OSBPL7: variants seen among roughly 807,000 people sequenced by gnomAD.
OSBPL7 encodes oxysterol binding protein like 7, also known as oxysterol-binding protein-related protein 7.
A neutral mutation model predicts 115.8 loss-of-function variants in OSBPL7; 66 were observed. The observed-to-expected ratio is 0.57, with a 90% CI of 0.47 to 0.70. The LOEUF is 0.70. OSBPL7 is among the 30% of genes least tolerant of loss of function. The pLI is 0.00. For synonymous variants in OSBPL7, 441 were observed against 439.2 expected (o/e 1.00, Z -0.05); for missense variants, 902 against 1,125.5 (o/e 0.80, Z 2.84).
chr17:47,814,491 CCCCTCCCTGCCTG>C lies in OSBPL7; in HGVS notation c.1351+17_1351+29del. 2.1e-5 allele frequency: 28 copies of C among 1,334,024 alleles called. No homozygotes were observed. Among genetic ancestry groups the C allele is most frequent in the East Asian group, 4.6e-5 (2 of 43,030 alleles). The allele number at this position is 1,334,024 out of a possible 1,614,324, so 82.6% of individuals were successfully genotyped here. A position where few individuals can be genotyped will look rare whatever the true frequency, so the allele number is the denominator to read the frequency against. On this transcript the variant is annotated intron_variant, in intron 14 of 22. Coordinates refer to ENST00000007414, the MANE Select transcript of OSBPL7 (RefSeq NM_145798.3). ...ACCCTGTTTTTCCACCCGCCTCCCA[CCCCTCCCTGCCTG>C]CCCACCCAGCTGGCACCTTTCTGAC...
chr17:47,819,128 G>C lies in OSBPL7; in HGVS notation c.256-29C>G, dbSNP rs749658321. 4 of 1,591,196 alleles carry C rather than the reference G, an allele frequency of 2.5e-6. No homozygotes were observed. In the South Asian group the frequency reaches 4.4e-5, roughly 18 times the overall value. On this transcript the variant is annotated intron_variant, in intron 4 of 22. Transcript: ENST00000007414. Reference sequence around the variant, plus strand: ...GGGGTGAAGTGTTGGTAGAGGGAGAGGGGACCTGTTTTAGGCTCTCAGAGC... The same window carrying C: ...GGGGTGAAGTGTTGGTAGAGGGAGACGGGACCTGTTTTAGGCTCTCAGAGC...
chr17:47,819,508 C>T (rs1287661414), intron 4 of OSBPL7: 6 of 617,382 alleles, frequency 9.7e-6, no homozygotes, highest in Non-Finnish European at 1.4e-5. Context: ...GTACGTATGA[C>T]CTCCCTTACC....
intron 13 of OSBPL7, 155 bp from the exon 14 acceptor site, chr17:47,814,769 G>T: frequency 3.0e-6 from 2 of 667,984 alleles, no homozygotes; most frequent in East Asian, 2.8e-5. Context: ...CATTGCCCCG[G>T]GATGCCTGGC....
chr17:47,810,824 GT>G lies in OSBPL7; in HGVS notation c.1748del (p.His583ProfsTer20). ...CTGCATGGCAGGCCGAGATAGGGGG[GT>G]GGTGGGAGACCTTGGTGAGCAAAGA... Reference protein sequence around the residue: ...FRFISEQVSHHPPISACHAES... With the variant: ...FRFISEQVSHXPPISACHAES... On this transcript the variant is annotated frameshift_variant, in exon 17 of 23. Transcript: ENST00000007414. LOFTEE classifies it high-confidence loss of function. 2 of 1,613,732 alleles carry G rather than the reference GT, an allele frequency of 1.2e-6. No homozygotes were observed. The highest frequency in any genetic ancestry group is 1.7e-6 in the Non-Finnish European group (2 of 1,179,932).
At chr17:47,814,486 T>TC (rs1598019141) in intron 14 of OSBPL7, 35 bp downstream of exon 14, 12 of 431,416 alleles carry the variant, frequency 2.8e-5, no homozygotes, top group Admixed American at 1.2e-4. Flanking sequence ...TCCACCCGCC[T>TC]CCCACCCCTC....
intron 4 of OSBPL7, 88 bp downstream of exon 4, chr17:47,819,641 C>T: frequency 6.6e-7 from 1 of 1,505,104 alleles, no homozygotes; most frequent in Non-Finnish European, 9.2e-7. Context: ...TCAGACCCTG[C>T]TCTGGTCGAT....
At chr17:47,818,764 G>T (rs537847058) in intron 5 of OSBPL7, 148 bp from the exon 6 acceptor site, 2 of 819,118 alleles carry the variant, frequency 2.4e-6, no homozygotes, top group African/African-American at 1.7e-5. Flanking sequence ...GAGACAGAGC[G>T]CAAGGCGCCC....
At chr17:47,819,186 G>T in intron 4 of OSBPL7, 87 bp from the exon 5 acceptor site, 1 of 1,094,524 alleles carries the variant, frequency 9.1e-7, no homozygotes, top group Non-Finnish European at 1.4e-6. Flanking sequence ...TGCCATTCTA[G>T]GCTCAAGGGC....
chr17:47,811,719 G>A (rs11869958), intron 16 of OSBPL7, among the ~76,000 whole-genome samples: 76,438 of 152,112 alleles, frequency 0.5, 19,401 homozygotes, highest in East Asian at 0.7. Context: ...TCTGTCTGGC[G>A]GCAGTCAGCC....
At position 47,808,975 on chromosome 17, in the gene OSBPL7, T is replaced by G; in HGVS notation, c.2186A>C (p.Asp729Ala). The change falls in exon 21 of 23, where the codon GAC (aspartate) becomes GCC (alanine). Residue 729 changes from aspartate (D) to alanine (A), a missense_variant. Coordinates refer to ENST00000007414, the MANE Select transcript of OSBPL7 (RefSeq NM_145798.3). The surrounding 1 kb of genome is among the most constrained non-coding windows in gnomAD (Gnocchi z 6.1). ...CIWKPNSMPP[D>A]HERNFGFTQF... ...GGTGAAGCCGAAGTTTCGCTCATGG[T>G]CGGGGGGCATTGAGTCTGGGGGAAG... 4 of 1,614,028 alleles carry G rather than the reference T, an allele frequency of 2.5e-6. No individual in the cohort carries two copies. Among genetic ancestry groups the G allele is most frequent in the Non-Finnish European group, 3.4e-6 (4 of 1,179,998 alleles).
chr17:47,818,863 T>C (rs1048279073), intron 5 of OSBPL7, 123 bp downstream of exon 5: 1 of 927,346 alleles, frequency 1.1e-6, no homozygotes, highest in Non-Finnish European at 1.7e-6. Context: ...GATGGAAACT[T>C]ACTTTTTGTC....
chr17:47,819,162 C>A, intron 4 of OSBPL7, 63 bp from the exon 5 acceptor site: 1 of 1,379,980 alleles, frequency 7.2e-7, no homozygotes, highest in South Asian at 1.2e-5. Flanking sequence ...GCCATAGAGC[C>A]ACCATCTCCC....
chr17:47,811,147 T>TGCCCTGCCTGAAACCCA (rs1287101527), intron 16 of OSBPL7, among the ~76,000 whole-genome samples: 7 of 152,008 alleles, frequency 4.6e-5, no homozygotes, highest in Non-Finnish European at 7.4e-5. Flanking sequence ...CTCCACCCCA[T>TGCCCTGCCTGAAACCCA]GCCCTGCCTG....
Position 47,816,011 on chromosome 17 carries a change from C to CTT in OSBPL7, c.1119+95_1119+96insAA. Reference sequence around the variant, plus strand: ...CAGGATTTTTGGGCTGTCTTTGGGACTAAAAACCAACTTTGCCCACTGCCC... The same window carrying CTT: ...CAGGATTTTTGGGCTGTCTTTGGGACTTTAAAAACCAACTTTGCCCACTGCCC... On this transcript the variant is annotated intron_variant, in intron 12 of 22. Transcript: ENST00000007414. The surrounding 1 kb of genome is among the most constrained non-coding windows in gnomAD (Gnocchi z 5.8). 2 of 1,191,828 alleles carry CTT rather than the reference C, an allele frequency of 1.7e-6. No homozygotes were observed. The highest frequency in any genetic ancestry group is 1.2e-6 in the Non-Finnish European group (1 of 862,388). The allele number at this position is 1,191,828 out of a possible 1,614,324, so 73.8% of individuals were successfully genotyped here.
Position 47,820,123 on chromosome 17 carries a change from G to C in OSBPL7, c.76-27C>G, listed in dbSNP as rs1008970543. On this transcript the variant is annotated intron_variant, in intron 2 of 22. Coordinates refer to ENST00000007414, the MANE Select transcript of OSBPL7 (RefSeq NM_145798.3). The stretch of plus-strand genomic sequence containing the variant: ...TGCAGTCCAGGACAGAGGGAGGGGA[G>C]CACTGGTGAGACGTCCGCCTTGGCC... The C allele has an allele frequency of 2.5e-6, 4 of 1,612,998 alleles. No homozygotes were observed. The Admixed American group carries it at 6.7e-5, about 27-fold the overall frequency.
In OSBPL7 at chr17:47,820,250, A is replaced by C; in HGVS notation, c.29T>G (p.Phe10Cys). The C allele has an allele frequency of 6.2e-7, 1 of 1,613,928 alleles. No individual in the cohort carries two copies. The highest frequency in any genetic ancestry group is 8.5e-7 in the Non-Finnish European group (1 of 1,179,956). The change falls in exon 2 of 23, where the codon TTC becomes TGC. Residue 10 changes from phenylalanine to cysteine, a missense_variant. Physicochemically the swap from Phe to Cys is radical, Grantham distance 205. Coordinates refer to ENST00000007414, the MANE Select transcript of OSBPL7 (RefSeq NM_145798.3). ...TGAGGACTGAGCGCTCTCAGGCAGG[A>C]AGGGCGGGTCCCTCTCTTGGAAGTC... MDFQERDPP[F>C]LPESAQSSKP...
intron 13 of OSBPL7, 99 bp from the exon 14 acceptor site, chr17:47,814,713 G>C: frequency 9.8e-7 from 1 of 1,019,390 alleles, no homozygotes; most frequent in Non-Finnish European, 1.5e-6. Flanking sequence ...TAGCCCTTTG[G>C]TGGGAAGGGG....
In OSBPL7 at chr17:47,818,541, G is replaced by A. The variant is rs200339365; in HGVS notation, c.445C>T (p.Pro149Ser). Residue 149 changes from proline to serine, a missense_variant, in exon 6 of 23, where the codon CCC becomes TCC. Pro to Ser is a moderately conservative substitution (Grantham distance 74). This residue lies in a region of OSBPL7 where 667 missense variants were observed against 788.7 expected (regional missense o/e 0.85). Transcript: ENST00000007414. The stretch of plus-strand genomic sequence containing the variant: ...GCAGTACTGGGCAGTGAGCCACGGG[G>A]CATGTCCAGGCGGTGGGCTAGGCGG... ...AHRLAHRLDMPRGSLPSTAHR... is the reference protein window; with the variant it reads ...AHRLAHRLDMSRGSLPSTAHR... 1.2e-5 allele frequency: 19 copies of A among 1,610,292 alleles called. No individual in the cohort carries two copies. The East Asian group carries it at 4.2e-4, about 36-fold the overall frequency.
Position 47,819,786 on chromosome 17 carries a change from T to C in OSBPL7, c.202-4A>G. The C allele has an allele frequency of 6.2e-7, 1 of 1,614,118 alleles. No homozygotes were observed. Among genetic ancestry groups the C allele is most frequent in the Non-Finnish European group, 8.5e-7 (1 of 1,180,010 alleles). On this transcript the variant is annotated splice_polypyrimidine_tract_variant and splice_region_variant and intron_variant, in intron 3 of 22. Coordinates refer to ENST00000007414, the MANE Select transcript of OSBPL7 (RefSeq NM_145798.3). ...CGTCCTCGAGCACAAAGTATCTCTG[T>C]GATGTTGCCCAGGAGTGACAGGACC...
Sources: gnomAD v4.1 joint callset for allele counts (sites outside exome capture counted in the v4.1 genomes callset) on GRCh38, gnomAD v4.1.1 for gene constraint, gnomAD v4.1.1 regional missense constraint, Gnocchi (gnomAD v3.1) non-coding constraint, MANE v1.5 for transcripts, NCBI Gene and HGNC (gene_info 2026-07-23, HGNC 2026-07-21) for gene names.